Variants in RAB11FIP2 observed in about 807,000 individuals in gnomAD.
RAB11FIP2 encodes the protein rab11 family-interacting protein 2.
A neutral mutation model predicts 40.9 loss-of-function variants in RAB11FIP2; 16 were observed. The observed-to-expected ratio is 0.39, with a 90% CI of 0.26 to 0.59. The LOEUF is 0.59. Among genes scored for constraint, RAB11FIP2 ranks in the 20% least tolerant of loss-of-function variants. RAB11FIP2 has a pLI of 0.53. For synonymous variants in RAB11FIP2, 228 were observed against 213.7 expected, an observed-to-expected ratio of 1.07 and a Z score of -0.58; for missense variants, 532 against 606.2, an observed-to-expected ratio of 0.88 and a Z score of 1.28.
In RAB11FIP2 at chr10:118,005,020, C is replaced by T. The variant is rs1846078135; in HGVS notation, c.*3978G>A. On this transcript the variant is annotated 3_prime_UTR_variant, in exon 5 of 5. Coordinates refer to ENST00000355624, the MANE Select transcript of RAB11FIP2 (RefSeq NM_014904.3). ...TAAATTATACAATTGTCACATTATACAATGCTTACATACTTTTGAATTTGT... is the reference window on the plus strand; with the variant it reads ...TAAATTATACAATTGTCACATTATATAATGCTTACATACTTTTGAATTTGT... The T allele has an allele frequency of 6.6e-6, 1 of 152,590 alleles. No individual in the cohort carries two copies. The highest frequency in any genetic ancestry group is 2.1e-4 in the South Asian group (1 of 4,830). 9.5% of individuals were successfully genotyped at this position (152,590 alleles called of 1,614,324 possible). A position where few individuals can be genotyped will look rare whatever the true frequency, so the allele number is the denominator to read the frequency against.
In RAB11FIP2 at chr10:118,009,020, G is replaced by A. The variant is rs1846126763; in HGVS notation, c.1517C>T (p.Ala506Val). Residue 506 changes from alanine to valine, a missense_variant, in exon 5 of 5, where the codon GCT (alanine) becomes GTT (valine). Transcript: ENST00000355624. ...TTATTAACTGTTAGAGAATTTGCCA[G>A]CTTTCCTGGATGGTTCATACGGCAC... Reference protein sequence around the residue: ...LRVPYEPSRKAGKFSNS With the variant: ...LRVPYEPSRKVGKFSNS 7.4e-6 allele frequency: 12 copies of A among 1,612,190 alleles called. No homozygotes were observed. Among genetic ancestry groups the A allele is most frequent in the Non-Finnish European group, 9.3e-6 (11 of 1,178,592 alleles).
chr10:118,014,015 ATAAAGACTT>A lies in RAB11FIP2; in HGVS notation c.1311+1041_1311+1049del, dbSNP rs879676092. ...ACATTTCTCGCCAGACTGCCATATT[ATAAAGACTT>A]GAGAATTTATAAAACATCAAAACTT... is the stretch of plus-strand genomic sequence containing the variant. On this transcript the variant is annotated intron_variant, in intron 4 of 4. Transcript: ENST00000355624. Among the ~76,000 whole-genome samples, 793 of 152,210 alleles carry A rather than the reference ATAAAGACTT, an allele frequency of 5.2e-3. 7 individuals carry two copies. Among genetic ancestry groups the A allele is most frequent in the African/African-American group, 0.018 (764 of 41,564 alleles).
At position 118,046,382 on chromosome 10, in the gene RAB11FIP2, G is replaced by A. The variant is rs1038946668; in HGVS notation, c.-219C>T. 5.3e-6 allele frequency: 3 copies of A among 562,684 alleles called. No homozygotes were observed. The highest frequency in any genetic ancestry group is 6.4e-5 in the Admixed American group (2 of 31,008). The allele number at this position is 562,684 out of a possible 1,614,324, so 34.9% of individuals were successfully genotyped here. On this transcript the variant is annotated 5_prime_UTR_variant, in exon 1 of 5. Coordinates refer to ENST00000355624, the MANE Select transcript of RAB11FIP2 (RefSeq NM_014904.3). ...CCCCTTTCGTCTGGAGAAACACAGA[G>A]GCCCACCATCACCTGGCCGCGCCGT...
Position 118,009,745 on chromosome 10 carries a change from A to G in RAB11FIP2, c.1312-520T>C, listed in dbSNP as rs749418305. Among the ~76,000 whole-genome samples the G allele has an allele frequency of 5.1e-4, 78 of 152,152 alleles. 1 individual carries two copies. Among genetic ancestry groups the G allele is most frequent in the Admixed American group, 9.2e-4 (14 of 15,268 alleles). ...TATGAAAATGGAAGCACTCGGAATT[A>G]AATCAAAGATTATCCTTACAGGAAG... is the stretch of plus-strand genomic sequence containing the variant. On this transcript the variant is annotated intron_variant, in intron 4 of 4. Coordinates refer to ENST00000355624, the MANE Select transcript of RAB11FIP2 (RefSeq NM_014904.3).
chr10:118,022,129 G>C (rs1023036102), intron 3 of RAB11FIP2, among the ~76,000 whole-genome samples: 5 of 152,324 alleles, frequency 3.3e-5, no homozygotes, highest in Admixed American at 2.6e-4. Flanking sequence ...TGAAGCCTCA[G>C]AGACACCCTT....
In RAB11FIP2 at chr10:118,046,938, A is replaced by G. The variant is rs1462028380; in HGVS notation, c.-775T>C. On this transcript the variant is annotated 5_prime_UTR_variant, in exon 1 of 5. Transcript: ENST00000355624. ...GGCCTTCTCCATGTTGGTCTCGGGA[A>G]CGTGAAGGGGCGGGGCCTCGAGGTC... 1.3e-5 allele frequency: 2 copies of G among 153,048 alleles called. No individual in the cohort carries two copies. Among genetic ancestry groups the G allele is most frequent in the East Asian group, 3.9e-4 (2 of 5,188 alleles). 9.5% of individuals were successfully genotyped at this position (153,048 alleles called of 1,614,324 possible).
At chr10:118,035,363 T>G (rs1398701600) in intron 3 of RAB11FIP2, among the ~76,000 whole-genome samples, 1 of 152,120 alleles carries the variant, frequency 6.6e-6, no homozygotes, top group African/African-American at 2.4e-5. Context: ...AATATTAAAT[T>G]TTAGTAATCC....
chr10:118,042,784 C>A (rs1381055566), intron 1 of RAB11FIP2, among the ~76,000 whole-genome samples: 1 of 152,068 alleles, frequency 6.6e-6, no homozygotes, highest in African/African-American at 2.4e-5. Context: ...TAAAGCAAAT[C>A]AGTATTTGAC....
At chr10:118,026,141 C>A (rs1589643031) in intron 3 of RAB11FIP2, among the ~76,000 whole-genome samples, 1 of 152,130 alleles carries the variant, frequency 6.6e-6, no homozygotes, top group South Asian at 2.1e-4. Flanking sequence ...TAGAATGTCA[C>A]CCTAATATAC....
intron 4 of RAB11FIP2, among the ~76,000 whole-genome samples, chr10:118,009,894 G>A (rs1846135662): frequency 6.6e-6 from 1 of 151,720 alleles, no homozygotes; most frequent in Admixed American, 6.6e-5. Flanking sequence ...TTTGACCCTG[G>A]TTATCAGGAA....
At chr10:118,015,636 A>T (rs1185066010) in intron 3 of RAB11FIP2, among the ~76,000 whole-genome samples, 1 of 152,224 alleles carries the variant, frequency 6.6e-6, no homozygotes, top group Non-Finnish European at 1.5e-5. Context: ...TCTCTCGTTA[A>T]TGTGATTTCT....
chr10:118,007,253 G>C lies in RAB11FIP2; in HGVS notation c.*1745C>G, dbSNP rs1040429875. ...GAGGTTTATTACAGAATCTTGAGGA[G>C]AAAAAAATTGATAAAAGCTATTTTT... On this transcript the variant is annotated 3_prime_UTR_variant, in exon 5 of 5. Coordinates refer to ENST00000355624, the MANE Select transcript of RAB11FIP2 (RefSeq NM_014904.3). The C allele has an allele frequency of 2.0e-5, 3 of 150,438 alleles. No homozygotes were observed. Among genetic ancestry groups the C allele is most frequent in the African/African-American group, 7.3e-5 (3 of 41,012 alleles). The allele number at this position is 150,438 out of a possible 1,614,324, so 9.3% of individuals were successfully genotyped here. A position where few individuals can be genotyped will look rare whatever the true frequency, so the allele number is the denominator to read the frequency against.
At chr10:118,012,423 T>A (rs181918058) in intron 4 of RAB11FIP2, among the ~76,000 whole-genome samples, 25 of 152,018 alleles carry the variant, frequency 1.6e-4, no homozygotes, top group Non-Finnish European at 3.5e-4. Flanking sequence ...TATAAAATAA[T>A]TAAAAACAGT....
rs1313050339 is a variant in RAB11FIP2 at position 118,008,812 on chromosome 10, T to G, written c.*186A>C. On this transcript the variant is annotated 3_prime_UTR_variant, in exon 5 of 5. Transcript: ENST00000355624. ...TTTCAATTTAAACATTTAAATGATTTAGCTTGCTTCAAAGGTCACTCTTGA... is the reference window on the plus strand; with the variant it reads ...TTTCAATTTAAACATTTAAATGATTGAGCTTGCTTCAAAGGTCACTCTTGA... The G allele has an allele frequency of 3.4e-6, 2 of 591,010 alleles. No individual in the cohort carries two copies. Among genetic ancestry groups the G allele is most frequent in the Non-Finnish European group, 6.0e-6 (2 of 334,976 alleles). The allele number at this position is 591,010 out of a possible 1,614,324, so 36.6% of individuals were successfully genotyped here. A position where few individuals can be genotyped will look rare whatever the true frequency, so the allele number is the denominator to read the frequency against.
chr10:118,023,933 T>C (rs1480592937), intron 3 of RAB11FIP2, among the ~76,000 whole-genome samples: 1 of 151,602 alleles, frequency 6.6e-6, no homozygotes, highest in Non-Finnish European at 1.5e-5. Context: ...TACTAAAAAA[T>C]ACAAAACTTA....
chr10:118,015,171 T>C (rs1320106563), intron 3 of RAB11FIP2, 61 bp from the exon 4 acceptor site: 4 of 1,422,668 alleles, frequency 2.8e-6, no homozygotes, highest in East Asian at 2.4e-5. Flanking sequence ...AACATAAAAA[T>C]AGAAAAATTT....
At chr10:118,020,144 AAC>A in intron 3 of RAB11FIP2, among the ~76,000 whole-genome samples, 1 of 152,270 alleles carries the variant, frequency 6.6e-6, no homozygotes. Context: ...GGTGCAAGGT[AAC>A]ACAGTTAGTA....
chr10:118,019,407 G>A (rs759096839), intron 3 of RAB11FIP2, among the ~76,000 whole-genome samples: 2 of 152,116 alleles, frequency 1.3e-5, no homozygotes, highest in African/African-American at 2.4e-5. Flanking sequence ...TTTCTCAAAC[G>A]CCAGTCAACT....
chr10:118,025,800 T>C (rs1467335704), intron 3 of RAB11FIP2, among the ~76,000 whole-genome samples: 1 of 152,216 alleles, frequency 6.6e-6, no homozygotes, highest in African/African-American at 2.4e-5. Flanking sequence ...TTTACCTCTC[T>C]GTCTTCACAG....
Sources: allele counts gnomAD v4.1 joint callset (sites outside exome capture counted in the v4.1 genomes callset), GRCh38; gene constraint gnomAD v4.1.1; transcripts MANE v1.5; gene names NCBI Gene and HGNC (gene_info 2026-07-23, HGNC 2026-07-21).